KCNN2: variants seen among roughly 807,000 people sequenced by gnomAD.
The protein encoded by KCNN2 is potassium calcium-activated channel subfamily N member 2.
KCNN2 carries 24 observed loss-of-function variants against 55.5 expected under a neutral mutation model. That is an observed-to-expected ratio of 0.43 (90% CI 0.31 to 0.61). The LOEUF (loss-of-function observed/expected upper bound fraction) is 0.61, where lower values mean the gene tolerates loss of function less well. Ranked by LOEUF, KCNN2 falls within the 20% of genes least tolerant of loss-of-function variation. The pLI is 0.08. For missense variants in KCNN2, 754 were observed against 853.6 expected, an observed-to-expected ratio of 0.88 and a Z score of 1.45; for synonymous variants, 431 against 336.1, an observed-to-expected ratio of 1.28 and a Z score of -3.09.
chr5:114,239,182 G>A (rs1754569124), intron 2 of KCNN2, among the ~76,000 whole-genome samples: 1 of 152,136 alleles, frequency 6.6e-6, no homozygotes, highest in Admixed American at 6.5e-5. Context: ...TGGTGTGGGT[G>A]TGTAGCTTAA....
intron 1 of KCNN2, among the ~76,000 whole-genome samples, chr5:114,142,998 T>A (rs1271602449): frequency 6.6e-6 from 1 of 152,092 alleles, no homozygotes; most frequent in African/African-American, 2.4e-5. Flanking sequence ...ACGGGGCTCT[T>A]TCCTTTTTCC....
chr5:114,313,898 G>A lies in KCNN2; in HGVS notation c.-184-47047G>A, dbSNP rs148192781. Among the ~76,000 whole-genome samples the A allele has an allele frequency of 3.3e-5, 5 of 152,130 alleles. No individual in the cohort carries two copies. The East Asian group carries it at 5.8e-4, about 18-fold the overall frequency. On this transcript the variant is annotated intron_variant, in intron 2 of 10. Transcript: ENST00000512097. ...TGGTTGCTTCATGAAATGTTTTTAC[G>A]GGCTTTTTGCTTCTTCTAAAATCAC...
At chr5:114,330,872 TC>T (rs1206636652) in intron 2 of KCNN2, among the ~76,000 whole-genome samples, 1 of 152,204 alleles carries the variant, frequency 6.6e-6, no homozygotes, top group Admixed American at 6.5e-5. Context: ...CTTGACTTAC[TC>T]AATTCTATAT....
intron 5 of KCNN2, among the ~76,000 whole-genome samples, chr5:114,479,765 C>G (rs951867061): frequency 6.6e-6 from 1 of 152,082 alleles, no homozygotes; most frequent in Non-Finnish European, 1.5e-5. Context: ...ATTGAACAGC[C>G]GGCTCCTGAA....
At chr5:114,485,820 A>C (rs1461653661) in intron 5 of KCNN2, among the ~76,000 whole-genome samples, 2 of 152,180 alleles carry the variant, frequency 1.3e-5, no homozygotes, top group Non-Finnish European at 2.9e-5. Flanking sequence ...AAACTTTTTC[A>C]CTCCATGAGA....
chr5:114,376,285 A>G (rs1038049306), intron 2 of KCNN2, among the ~76,000 whole-genome samples: 2 of 152,168 alleles, frequency 1.3e-5, no homozygotes, highest in African/African-American at 4.8e-5. Context: ...TTAGTCCCTC[A>G]AGCCCATGTC....
At chr5:114,461,981 G>A (rs1178439046) in intron 3 of KCNN2, among the ~76,000 whole-genome samples, 1 of 152,186 alleles carries the variant, frequency 6.6e-6, no homozygotes, top group Admixed American at 6.5e-5. Context: ...CTGAGAGATG[G>A]GAAGGAGTGA....
intron 2 of KCNN2, among the ~76,000 whole-genome samples, chr5:114,281,746 C>T (rs957293851): frequency 7.9e-6 from 1 of 126,916 alleles, no homozygotes; most frequent in Non-Finnish European, 1.8e-5. Context: ...ATACTATGAC[C>T]TGAAGCAGGT....
At chr5:114,096,860 C>A (rs537796291) in intron 1 of KCNN2, among the ~76,000 whole-genome samples, 2 of 152,186 alleles carry the variant, frequency 1.3e-5, no homozygotes, top group Admixed American at 6.6e-5. Context: ...TAGAGGATGG[C>A]CAGAATAATA....
intron 1 of KCNN2, among the ~76,000 whole-genome samples, chr5:114,183,525 A>T (rs1013869651): frequency 6.6e-6 from 1 of 152,114 alleles, no homozygotes; most frequent in Non-Finnish European, 1.5e-5. Context: ...CAATTTCTTG[A>T]TAGATATACA....
intron 4 of KCNN2, among the ~76,000 whole-genome samples, chr5:114,466,745 G>C (rs1288263188): frequency 1.3e-5 from 2 of 151,808 alleles, no homozygotes; most frequent in Non-Finnish European, 2.9e-5. Context: ...TTCATTCCTA[G>C]GGATGCAGGT....
chr5:114,248,739 T>C (rs1754798979), intron 2 of KCNN2, among the ~76,000 whole-genome samples: 1 of 152,234 alleles, frequency 6.6e-6, no homozygotes, highest in Non-Finnish European at 1.5e-5. Context: ...CAATGTACAT[T>C]ATTTAAAGCA....
At chr5:114,439,166 G>C (rs1161297528) in intron 3 of KCNN2, among the ~76,000 whole-genome samples, 1 of 152,144 alleles carries the variant, frequency 6.6e-6, no homozygotes, top group African/African-American at 2.4e-5. Context: ...TAAATGGGAA[G>C]GGAAATCTCC....
intron 3 of KCNN2, among the ~76,000 whole-genome samples, chr5:114,416,767 T>G (rs2150078035): frequency 6.6e-6 from 1 of 152,326 alleles, no homozygotes; most frequent in Non-Finnish European, 1.5e-5. Flanking sequence ...AAATAAGATT[T>G]TACGGACTTT....
intron 1 of KCNN2, among the ~76,000 whole-genome samples, chr5:114,215,593 A>T (rs1561526175): frequency 6.6e-6 from 1 of 152,062 alleles, no homozygotes; most frequent in South Asian, 2.1e-4. Flanking sequence ...TATGCTACAA[A>T]TCGGACACCC....
Position 114,377,940 on chromosome 5 carries a change from T to A in KCNN2, c.1218+13939T>A, listed in dbSNP as rs922724201. 1.1e-4 allele frequency among the ~76,000 whole-genome samples: 17 copies of A among 152,338 alleles called. 1 individual carries two copies. In the East Asian group the frequency reaches 1.2e-3, roughly 10 times the overall value. ...ATTGTTACTACTCTTCTGTCATTAT[T>A]ATTAAGTAAATACTGTAGCCTTCAC... On this transcript the variant is annotated intron_variant, in intron 2 of 7. Transcript: ENST00000673685.
chr5:114,314,829 T>C (rs1756467896), intron 2 of KCNN2, among the ~76,000 whole-genome samples: 1 of 152,128 alleles, frequency 6.6e-6, no homozygotes, highest in Non-Finnish European at 1.5e-5. Context: ...ACTAATTCAT[T>C]TACAAAACAA....
At chr5:114,374,080 G>A (rs541499347) in intron 2 of KCNN2, among the ~76,000 whole-genome samples, 24 of 152,148 alleles carry the variant, frequency 1.6e-4, no homozygotes, top group Non-Finnish European at 2.6e-4. Context: ...GTACTATGAT[G>A]TTAGGCTGAC....
At chr5:114,174,460 C>T (rs1753099341) in intron 1 of KCNN2, among the ~76,000 whole-genome samples, 1 of 152,082 alleles carries the variant, frequency 6.6e-6, no homozygotes, top group Non-Finnish European at 1.5e-5. Flanking sequence ...CCCATTATCT[C>T]ATTTTATGTT....
Sources: allele counts gnomAD v4.1 joint callset (sites outside exome capture counted in the v4.1 genomes callset), GRCh38; gene constraint gnomAD v4.1.1; transcripts MANE v1.5; gene names NCBI Gene and HGNC (gene_info 2026-07-23, HGNC 2026-07-21).